The following GPC5 variants were observed in gnomAD, a reference collection of about 807,000 sequenced individuals.
The protein encoded by GPC5 is glypican 5.
A neutral mutation model predicts 53.9 loss-of-function variants in GPC5; 47 were observed. The ratio of observed to expected loss-of-function variants is 0.87; its 90% CI spans 0.69 to 1.11. The LOEUF is 1.11. Ranked by LOEUF, GPC5 falls within the 50% of genes most tolerant of loss-of-function variation. GPC5 has a pLI of 0.00. For missense variants in GPC5, 748 were observed against 713.1 expected (o/e 1.05, Z -0.56); for synonymous variants, 286 against 263.3 (o/e 1.09, Z -0.84).
intron 5 of GPC5, among the ~76,000 whole-genome samples, chr13:91,818,174 G>A (rs2038430281): frequency 6.6e-6 from 1 of 152,142 alleles, no homozygotes; most frequent in Non-Finnish European, 1.5e-5. Context: ...CTAAGTTGCA[G>A]TTGGTACGAA....
chr13:91,925,237 TTAAA>T (rs2039755917), intron 6 of GPC5, among the ~76,000 whole-genome samples: 1 of 152,148 alleles, frequency 6.6e-6, no homozygotes, highest in African/African-American at 2.4e-5. Flanking sequence ...ATGAAAAATA[TTAAA>T]TATATATTTA....
At chr13:91,555,469 G>A (rs1426576488) in intron 2 of GPC5, among the ~76,000 whole-genome samples, 5 of 147,892 alleles carry the variant, frequency 3.4e-5, no homozygotes, top group Non-Finnish European at 6.0e-5. Context: ...TTCTGGGGGC[G>A]AGTACAGAGA....
intron 7 of GPC5, among the ~76,000 whole-genome samples, chr13:92,400,267 G>T (rs374917387): frequency 6.6e-6 from 1 of 152,152 alleles, no homozygotes; most frequent in African/African-American, 2.4e-5. Flanking sequence ...ATGCTCCAAA[G>T]TATCTAGAGA....
chr13:92,161,833 A>G (rs1217306421), intron 7 of GPC5, among the ~76,000 whole-genome samples: 1 of 150,940 alleles, frequency 6.6e-6, no homozygotes, highest in South Asian at 2.1e-4. Flanking sequence ...TACAATAGGT[A>G]TTGCTTGGGG....
chr13:92,648,598 C>T (rs530517102), intron 7 of GPC5, among the ~76,000 whole-genome samples: 2 of 152,158 alleles, frequency 1.3e-5, no homozygotes, highest in South Asian at 4.1e-4. Flanking sequence ...TCTAATTAAA[C>T]TCATTTTACT....
At chr13:92,780,458 C>T (rs1418474026) in intron 7 of GPC5, among the ~76,000 whole-genome samples, 2 of 151,674 alleles carry the variant, frequency 1.3e-5, no homozygotes, top group Non-Finnish European at 2.9e-5. Flanking sequence ...ACCTAAATCT[C>T]ATTAAAGTTC....
At chr13:92,766,665 C>A (rs1044287105) in intron 7 of GPC5, among the ~76,000 whole-genome samples, 6 of 152,168 alleles carry the variant, frequency 3.9e-5, no homozygotes, top group Admixed American at 2.0e-4. Flanking sequence ...TTCCTTTTAT[C>A]CATCCAGGTG....
chr13:91,732,934 A>G (rs868462115), intron 4 of GPC5, among the ~76,000 whole-genome samples: 6 of 152,020 alleles, frequency 3.9e-5, no homozygotes, highest in Non-Finnish European at 7.4e-5. Context: ...GCCTTGTACT[A>G]TAGTTTGAGG....
At chr13:92,314,283 CT>C (rs1403821604) in intron 7 of GPC5, among the ~76,000 whole-genome samples, 1 of 152,100 alleles carries the variant, frequency 6.6e-6, no homozygotes, top group Non-Finnish European at 1.5e-5. Flanking sequence ...CTTCTAGACT[CT>C]CAAAATATCT....
At chr13:92,262,876 T>C (rs1207974022) in intron 7 of GPC5, among the ~76,000 whole-genome samples, 1 of 152,208 alleles carries the variant, frequency 6.6e-6, no homozygotes, top group Non-Finnish European at 1.5e-5. Flanking sequence ...ATCATGTGCT[T>C]CATTAGTTTA....
chr13:92,299,143 G>A (rs370236088), intron 7 of GPC5, among the ~76,000 whole-genome samples: 8 of 152,072 alleles, frequency 5.3e-5, no homozygotes, highest in African/African-American at 1.7e-4. Flanking sequence ...TTTGAAATAC[G>A]TGATGTATGT....
chr13:92,762,638 A>G (rs1428836987), intron 7 of GPC5, among the ~76,000 whole-genome samples: 1 of 152,140 alleles, frequency 6.6e-6, no homozygotes, highest in African/African-American at 2.4e-5. Context: ...GGAAGATTTC[A>G]GCATTTTTAT....
intron 5 of GPC5, among the ~76,000 whole-genome samples, chr13:91,891,464 C>A (rs2039385726): frequency 6.6e-6 from 1 of 152,104 alleles, no homozygotes; most frequent in Admixed American, 6.5e-5. Flanking sequence ...TTGTATCCTT[C>A]TATAAAGAGA....
intron 7 of GPC5, among the ~76,000 whole-genome samples, chr13:92,519,324 C>A (rs1019412163): frequency 1.1e-4 from 16 of 152,194 alleles, no homozygotes; most frequent in Non-Finnish European, 2.9e-5. Flanking sequence ...ACAGAATATA[C>A]ATTCTTCTCA....
intron 7 of GPC5, among the ~76,000 whole-genome samples, chr13:92,861,399 T>A (rs1310119132): frequency 6.6e-6 from 1 of 152,206 alleles, no homozygotes. Flanking sequence ...CCCAACTGGT[T>A]ACACTCTCCT....
chr13:91,494,034 C>G (rs528589914), intron 2 of GPC5, among the ~76,000 whole-genome samples: 1 of 150,240 alleles, frequency 6.7e-6, no homozygotes, highest in African/African-American at 2.5e-5. Flanking sequence ...CCACCACACC[C>G]GGCTAATTTT....
Position 91,465,672 on chromosome 13 carries a change from T to A in GPC5, c.325+16750T>A, listed in dbSNP as rs192007348. ...GTTTTAAAAGTCTAATACTTTTGTA[T>A]TGAAATGTCAAAATATTTCACCCCA... On this transcript the variant is annotated intron_variant, in intron 2 of 7. Transcript: ENST00000377067. Among the ~76,000 whole-genome samples the A allele has an allele frequency of 4.7e-3, 713 of 152,286 alleles. 12 individuals are homozygous for A. Among genetic ancestry groups the A allele is most frequent in the Non-Finnish European group, 2.7e-3 (185 of 68,012 alleles).
intron 6 of GPC5, among the ~76,000 whole-genome samples, chr13:92,002,895 T>C (rs1335918091): frequency 6.6e-6 from 1 of 152,204 alleles, no homozygotes; most frequent in Non-Finnish European, 1.5e-5. Flanking sequence ...GGTGGATGGA[T>C]GTAACCACAG....
chr13:92,791,305 T>TA (rs756076007), intron 7 of GPC5, among the ~76,000 whole-genome samples: 12 of 150,964 alleles, frequency 7.9e-5, no homozygotes, highest in Non-Finnish European at 1.8e-4. Context: ...GTCAAGGAAA[T>TA]AAAAAATGAG....
Sources: gnomAD v4.1 joint callset for allele counts (sites outside exome capture counted in the v4.1 genomes callset) on GRCh38, gnomAD v4.1.1 for gene constraint, MANE v1.5 for transcripts, NCBI Gene and HGNC (gene_info 2026-07-23, HGNC 2026-07-21) for gene names.